Variants in SOX13 observed in about 807,000 individuals in gnomAD.
SOX13 encodes transcription factor SOX-13.
A neutral mutation model predicts 71.8 loss-of-function variants in SOX13; 28 were observed. The observed-to-expected ratio is 0.39, with a 90% CI of 0.29 to 0.53. SOX13 has a LOEUF of 0.53. Ranked by LOEUF, SOX13 falls within the 20% of genes least tolerant of loss-of-function variation. The probability of loss-of-function intolerance (pLI) is 0.70; values close to 1 mark genes in which losing one functional copy is unlikely to be tolerated. For synonymous variants in SOX13, 309 were observed against 317.8 expected (o/e 0.97, Z 0.29); for missense variants, 627 against 810.3 (o/e 0.77, Z 2.75).
At chr1:204,119,738 G>C (rs892933738) in intron 7 of SOX13, 1 of 152,248 alleles carries the variant, frequency 6.6e-6, no homozygotes, top group Non-Finnish European at 1.5e-5. Context: ...GCCAGGCACA[G>C]TGGTCATGTC....
At chr1:204,079,896 A>G (rs1655866699) in intron 1 of SOX13, among the ~76,000 whole-genome samples, 1 of 151,498 alleles carries the variant, frequency 6.6e-6, no homozygotes. Flanking sequence ...GCCTCCTCCT[A>G]AGGTCATCCA....
intron 1 of SOX13, among the ~76,000 whole-genome samples, chr1:204,080,807 C>G (rs28373127): frequency 0.023 from 3,477 of 152,040 alleles, 132 homozygotes; most frequent in African/African-American, 0.075. Flanking sequence ...TCATATAAGT[C>G]CACCATGCGG....
In SOX13 at chr1:204,122,343, C is replaced by G. The variant is rs1483544691; in HGVS notation, c.968C>G (p.Pro323Arg). The G allele has an allele frequency of 1.9e-6, 3 of 1,563,982 alleles. No individual in the cohort carries two copies. The highest frequency in any genetic ancestry group is 2.3e-5 in the South Asian group (2 of 85,276). ...ATGAGCAGCTGTGTGCCCCGCCCCC[C>G]CAGCCATGGAGGCCCCACGCGGGAC... ...LKMSSCVPRP[P>R]SHGGPTRDLQ... The change falls in exon 9 of 14, where the codon CCC becomes CGC. Residue 323 changes from proline (P) to arginine (R), a missense_variant. This residue lies in a region of SOX13 where 447 missense variants were observed against 532.2 expected (regional missense o/e 0.84). Transcript: ENST00000367204.
At chr1:204,109,013 G>GC (rs1656523962) in intron 1 of SOX13, among the ~76,000 whole-genome samples, 1 of 152,080 alleles carries the variant, frequency 6.6e-6, no homozygotes, top group South Asian at 2.1e-4. Context: ...CCCACTTCTC[G>GC]CCCCCCTGCT....
In SOX13 at chr1:204,123,007, G is replaced by A; in HGVS notation, c.1134+44G>A. 6.7e-7 allele frequency: 1 copy of A among 1,500,156 alleles called. No individual in the cohort carries two copies. Among genetic ancestry groups the A allele is most frequent in the Middle Eastern group, 1.7e-4 (1 of 5,794 alleles). The allele number at this position is 1,500,156 out of a possible 1,614,324, so 92.9% of individuals were successfully genotyped here. A position where few individuals can be genotyped will look rare whatever the true frequency, so the allele number is the denominator to read the frequency against. The stretch of plus-strand genomic sequence containing the variant: ...TTGAGCCTAGGGGCAGCAACAGATG[G>A]TGGCCAGGAGTGGAAGACACAGTCT... On this transcript the variant is annotated intron_variant, in intron 10 of 13. Coordinates refer to ENST00000367204, the MANE Select transcript of SOX13 (RefSeq NM_005686.3). This position sits in a 1 kb window ranked among gnomAD's most constrained non-coding sequence, Gnocchi z 5.0.
chr1:204,076,660 G>C (rs908978667), intron 1 of SOX13, among the ~76,000 whole-genome samples: 1 of 152,166 alleles, frequency 6.6e-6, no homozygotes, highest in Non-Finnish European at 1.5e-5. Context: ...CACTGCCTTG[G>C]ACAACAGGCT....
At chr1:204,090,057 A>G (rs576877578) in intron 1 of SOX13, among the ~76,000 whole-genome samples, 14 of 152,106 alleles carry the variant, frequency 9.2e-5, no homozygotes, top group Middle Eastern at 3.4e-3. Flanking sequence ...CTCTGGTGGG[A>G]GCCCAGGCTG....
chr1:204,103,073 T>TA (rs1656392695), intron 1 of SOX13, among the ~76,000 whole-genome samples: 1 of 152,220 alleles, frequency 6.6e-6, no homozygotes, highest in Admixed American at 6.5e-5. Flanking sequence ...TCTTTCTCCT[T>TA]ACCTCCTTCC....
chr1:204,113,234 A>G, intron 2 of SOX13, 100 bp downstream of exon 2: 1 of 991,938 alleles, frequency 1.0e-6, no homozygotes, highest in Non-Finnish European at 1.4e-6. Context: ...CAGCAGATAC[A>G]GGCAGAAGTG....
intron 1 of SOX13, among the ~76,000 whole-genome samples, chr1:204,087,752 A>G (rs1452099458): frequency 6.6e-6 from 1 of 152,218 alleles, no homozygotes; most frequent in Non-Finnish European, 1.5e-5. Flanking sequence ...CTGCAGTTTC[A>G]AAGCCCGGAT....
intron 4 of SOX13, chr1:204,116,247 G>C: frequency 6.9e-7 from 1 of 1,440,394 alleles, no homozygotes. Context: ...GGGCTGACAT[G>C]TCCCACTGTC....
chr1:204,090,976 A>G (rs1656129432), intron 1 of SOX13, among the ~76,000 whole-genome samples: 1 of 152,196 alleles, frequency 6.6e-6, no homozygotes, highest in South Asian at 2.1e-4. Flanking sequence ...AACCTTGGAC[A>G]CGGGCCGAGG....
At chr1:204,112,796 A>G in intron 1 of SOX13, 119 bp from the exon 2 acceptor site, 1 of 702,190 alleles carries the variant, frequency 1.4e-6, no homozygotes, top group Non-Finnish European at 2.4e-6. Context: ...GAGTGTGCCC[A>G]TGTGACAGGC....
intron 1 of SOX13, among the ~76,000 whole-genome samples, chr1:204,086,795 A>G (rs904118058): frequency 1.2e-4 from 19 of 152,128 alleles, no homozygotes; most frequent in African/African-American, 4.3e-4. Flanking sequence ...CGGATTAGAG[A>G]AAGATGTGTG....
intron 1 of SOX13, among the ~76,000 whole-genome samples, chr1:204,082,024 G>C (rs1398847741): frequency 6.6e-6 from 1 of 151,698 alleles, no homozygotes; most frequent in Non-Finnish European, 1.5e-5. Context: ...TTCAGCCCCT[G>C]CTGTTTCTCA....
At chr1:204,111,061 A>G (rs773546814) in intron 1 of SOX13, among the ~76,000 whole-genome samples, 1 of 152,342 alleles carries the variant, frequency 6.6e-6, no homozygotes, top group Non-Finnish European at 1.5e-5. Flanking sequence ...CAAGCCCCCA[A>G]GGCATGCTGA....
At chr1:204,099,019 C>A (rs1301842513) in intron 1 of SOX13, among the ~76,000 whole-genome samples, 1 of 152,210 alleles carries the variant, frequency 6.6e-6, no homozygotes, top group Non-Finnish European at 1.5e-5. Context: ...GGGCCAAGGG[C>A]CTGGTTCCCT....
At chr1:204,106,889 T>G (rs1041837182) in intron 1 of SOX13, among the ~76,000 whole-genome samples, 1 of 152,246 alleles carries the variant, frequency 6.6e-6, no homozygotes, top group Admixed American at 6.5e-5. Flanking sequence ...GCCATGAGAA[T>G]GTAAAATAGG....
chr1:204,116,851 C>T (rs543672435), intron 5 of SOX13, among the ~76,000 whole-genome samples, 172 bp downstream of exon 5: 3 of 152,116 alleles, frequency 2.0e-5, no homozygotes, highest in South Asian at 4.1e-4. Flanking sequence ...GATTCATGAG[C>T]CCTTGTACAG....
Sources: allele counts gnomAD v4.1 joint callset (sites outside exome capture counted in the v4.1 genomes callset), GRCh38; gene constraint gnomAD v4.1.1; regional missense constraint gnomAD v4.1.1; non-coding constraint Gnocchi (gnomAD v3.1); transcripts MANE v1.5; gene names NCBI Gene and HGNC (gene_info 2026-07-23, HGNC 2026-07-21).